The following PCDHGA4 variants were observed in gnomAD, a reference collection of about 807,000 sequenced individuals.
PCDHGA4 encodes protocadherin gamma subfamily A, 4.
Under a neutral mutation model 54.6 loss-of-function variants are expected in PCDHGA4, and 38 were observed. That is an observed-to-expected ratio of 0.70 (90% CI 0.54 to 0.91). The LOEUF (loss-of-function observed/expected upper bound fraction) is 0.91, where lower values mean the gene tolerates loss of function less well. Among genes scored for constraint, PCDHGA4 ranks in the 40% least tolerant of loss-of-function variants. The probability of loss-of-function intolerance (pLI) is 0.00; values close to 1 mark genes in which losing one functional copy is unlikely to be tolerated. For missense variants in PCDHGA4, 1,298 were observed against 1,220.9 expected (o/e 1.06, Z -0.94); for synonymous variants, 511 against 512.9 (o/e 1.00, Z 0.05).
chr5:141,398,804 C>T, intron 1 of PCDHGA4: 1 of 1,614,012 alleles, frequency 6.2e-7, no homozygotes, highest in Non-Finnish European at 8.5e-7. Context: ...AGCGGCACCA[C>T]TGAGCTCCGG....
At chr5:141,373,732 C>T (rs969264007) in intron 1 of PCDHGA4, among the ~76,000 whole-genome samples, 1 of 152,174 alleles carries the variant, frequency 6.6e-6, no homozygotes, top group African/African-American at 2.4e-5. Flanking sequence ...CTTCTAAATG[C>T]TTCATTATCT....
At chr5:141,436,347 CT>C (rs1402378657) in intron 1 of PCDHGA4, among the ~76,000 whole-genome samples, 1 of 152,118 alleles carries the variant, frequency 6.6e-6, no homozygotes, top group African/African-American at 2.4e-5. Context: ...ATATCAGTGA[CT>C]TCAATCAACT....
chr5:141,382,577 A>T (rs533715089), intron 1 of PCDHGA4, among the ~76,000 whole-genome samples: 47 of 152,338 alleles, frequency 3.1e-4, no homozygotes, highest in Middle Eastern at 6.8e-3. Flanking sequence ...TCTAACAGGG[A>T]AATTTTGAAA....
intron 2 of PCDHGA4, among the ~76,000 whole-genome samples, chr5:141,498,847 C>T (rs932801278): frequency 1.3e-5 from 2 of 151,856 alleles, no homozygotes; most frequent in Admixed American, 1.3e-4. Flanking sequence ...GCAGGGGAAT[C>T]GCTTGAACCC....
At chr5:141,362,569 T>G (rs779199612) in intron 1 of PCDHGA4, 18 of 1,607,524 alleles carry the variant, frequency 1.1e-5, no homozygotes, top group Admixed American at 1.7e-5. Context: ...GAGCTTTAAT[T>G]AATTTATTTT....
intron 1 of PCDHGA4, among the ~76,000 whole-genome samples, chr5:141,464,397 C>T (rs1352852782): frequency 1.3e-5 from 2 of 150,158 alleles, no homozygotes; most frequent in Non-Finnish European, 3.0e-5. Context: ...TAATGAAGAA[C>T]CTGAGATATA....
intron 1 of PCDHGA4, chr5:141,410,146 C>G: frequency 6.2e-7 from 1 of 1,612,390 alleles, no homozygotes. Flanking sequence ...CTGTGCGTGA[C>G]GGTGGACAGC....
At position 141,476,946 on chromosome 5, in the gene PCDHGA4, G is replaced by A; in HGVS notation, c.2515-17861G>A. ...ACGGATCTGGATGAAGGCCCCAACG[G>A]TGAAATTATTTACTCCTTCGGCAGC... On this transcript the variant is annotated intron_variant, in intron 1 of 3. Transcript: ENST00000571252. The surrounding 1 kb of genome is among the most constrained non-coding windows in gnomAD (Gnocchi z 7.6). The A allele has an allele frequency of 6.2e-7, 1 of 1,614,206 alleles. No individual in the cohort carries two copies. Among genetic ancestry groups the A allele is most frequent in the Non-Finnish European group, 8.5e-7 (1 of 1,180,044 alleles).
chr5:141,403,384 A>C lies in PCDHGA4; in HGVS notation c.2514+45763A>C, dbSNP rs201959000. 4.4e-4 allele frequency: 703 copies of C among 1,614,030 alleles called. No homozygotes were observed. Among genetic ancestry groups the C allele is most frequent in the Non-Finnish European group, 5.5e-4 (652 of 1,179,890 alleles). ...AAAGTCTGGAAGTAAAAATTAACGA[A>C]ATCGCGGTTCCTGGAGCACGTTATC... On this transcript the variant is annotated intron_variant, in intron 1 of 3. Coordinates refer to ENST00000571252, the MANE Select transcript of PCDHGA4 (RefSeq NM_018917.4).
chr5:141,476,180 C>T lies in PCDHGA4; in HGVS notation c.2515-18627C>T. The T allele has an allele frequency of 1.2e-6, 2 of 1,613,664 alleles. No individual in the cohort carries two copies. Among genetic ancestry groups the T allele is most frequent in the East Asian group, 4.5e-5 (2 of 44,838 alleles). On this transcript the variant is annotated intron_variant, in intron 1 of 3. Transcript: ENST00000571252. The surrounding 1 kb of genome is among the most constrained non-coding windows in gnomAD (Gnocchi z 7.6). ...CGGGAGGGTAGTGGGAGTTTTGCTT[C>T]TGCTTGGTGCCTTGAACAAGGCTTC...
Position 141,418,384 on chromosome 5 carries a change from C to T in PCDHGA4, c.2514+60763C>T, listed in dbSNP as rs774636792. 5 of 1,613,982 alleles carry T rather than the reference C, an allele frequency of 3.1e-6. No homozygotes were observed. In the South Asian group the frequency reaches 4.4e-5, roughly 14 times the overall value. ...TGAGCAAATACCAACTAAGTCCTAA[C>T]GAGTATTTCTCATTGGTGGAGAAAG... is the stretch of plus-strand genomic sequence containing the variant. On this transcript the variant is annotated intron_variant, in intron 1 of 3. Coordinates refer to ENST00000571252, the MANE Select transcript of PCDHGA4 (RefSeq NM_018917.4).
intron 1 of PCDHGA4, chr5:141,423,565 C>G: frequency 1.2e-6 from 2 of 1,613,594 alleles, no homozygotes; most frequent in Non-Finnish European, 1.7e-6. Context: ...TGGGGACACG[C>G]TCATCAGCCA....
chr5:141,407,143 A>G (rs2154538062), intron 1 of PCDHGA4, among the ~76,000 whole-genome samples: 1 of 152,360 alleles, frequency 6.6e-6, no homozygotes, highest in East Asian at 1.9e-4. Flanking sequence ...AAGAAAAAAA[A>G]GCTGAAGTGT....
intron 1 of PCDHGA4, chr5:141,441,669 T>C: frequency 3.5e-6 from 1 of 287,870 alleles, no homozygotes; most frequent in Non-Finnish European, 6.8e-6. Context: ...GAGCGCACAG[T>C]GCGCCTTCGA....
At chr5:141,403,060 T>G (rs2094346399) in intron 1 of PCDHGA4, 2 of 1,614,042 alleles carry the variant, frequency 1.2e-6, no homozygotes, top group Non-Finnish European at 8.5e-7. Flanking sequence ...ACTCAGTGCC[T>G]GAAGAGACAG....
Position 141,511,165 on chromosome 5 carries a change from A to G in PCDHGA4, c.2881A>G (p.Lys961Glu). 1 of 1,614,096 alleles carries G rather than the reference A, an allele frequency of 6.2e-7. No homozygotes were observed. Among genetic ancestry groups the G allele is most frequent in the East Asian group, 2.2e-5 (1 of 44,870 alleles). ...CAAGAAGAAGTCGGGCAAGAAGGAGAAGAAGTAACATGGAGGCCAGGCCAA... is the reference window on the plus strand; with the variant it reads ...CAAGAAGAAGTCGGGCAAGAAGGAGGAGAAGTAACATGGAGGCCAGGCCAA... ...GNKKKSGKKE[K>E]K Residue 961 changes from lysine (K) to glutamate (E), a missense_variant, in exon 4 of 4, where the codon AAG (lysine) becomes GAG (glutamate). Physicochemically the swap from Lys to Glu is moderately conservative, Grantham distance 56. Transcript: ENST00000571252.
chr5:141,361,040 C>T (rs750073404), intron 1 of PCDHGA4: 3 of 1,613,220 alleles, frequency 1.9e-6, no homozygotes, highest in East Asian at 2.2e-5. Flanking sequence ...GGAGAAATCA[C>T]GACAAAGGAT....
Position 141,486,288 on chromosome 5 carries a change from T to C in PCDHGA4, c.2515-8519T>C. 5 of 1,613,996 alleles carry C rather than the reference T, an allele frequency of 3.1e-6. No individual in the cohort carries two copies. The highest frequency in any genetic ancestry group is 4.2e-6 in the Non-Finnish European group (5 of 1,179,986). ...GAACCTGGCACTGTGGTGGCACTTA[T>C]CAGTGTGCAGGATCCAGACTCAGGG... On this transcript the variant is annotated intron_variant, in intron 1 of 3. Coordinates refer to ENST00000571252, the MANE Select transcript of PCDHGA4 (RefSeq NM_018917.4). The surrounding 1 kb of genome is among the most constrained non-coding windows in gnomAD (Gnocchi z 5.0).
chr5:141,445,276 C>T (rs761058385), intron 1 of PCDHGA4, among the ~76,000 whole-genome samples: 1 of 152,218 alleles, frequency 6.6e-6, no homozygotes, highest in Non-Finnish European at 1.5e-5. Flanking sequence ...AACCACTCTG[C>T]ATAAGTTCAG....
Sources: allele counts gnomAD v4.1 joint callset (sites outside exome capture counted in the v4.1 genomes callset), GRCh38; gene constraint gnomAD v4.1.1; non-coding constraint Gnocchi (gnomAD v3.1); transcripts MANE v1.5; gene names NCBI Gene and HGNC (gene_info 2026-07-23, HGNC 2026-07-21).